OTC: variants seen among roughly 807,000 people sequenced by gnomAD.
OTC encodes the protein ornithine transcarbamylase, mitochondrial.
In OTC, 3 loss-of-function variants were observed where a neutral mutation model predicts 30.3. The observed-to-expected ratio is 0.10, with a 90% CI of 0.05 to 0.26. The LOEUF (loss-of-function observed/expected upper bound fraction) is 0.26. Among genes scored for constraint, OTC ranks in the 10% least tolerant of loss-of-function variants. The pLI, the probability that OTC is intolerant of heterozygous loss-of-function variation, is 1.00. For missense variants in OTC, 194 were observed against 260.3 expected, an observed-to-expected ratio of 0.75 and a Z score of 1.75; for synonymous variants, 111 against 99.7, an observed-to-expected ratio of 1.11 and a Z score of -0.67.
intron 3 of OTC, 71 bp from the exon 4 acceptor site, chrX:38,381,271 A>G (rs761183832): frequency 6.5e-6 from 5 of 774,946 alleles, no homozygotes; most frequent in South Asian, 4.7e-5. Context: ...GATGATGCCA[A>G]TTCTTTGTAA....
intron 1 of OTC, among the ~76,000 whole-genome samples, chrX:38,361,062 G>C (rs1378740008): frequency 8.9e-6 from 1 of 112,179 alleles, no homozygotes; most frequent in East Asian, 2.8e-4. Context: ...AAGTGCCTTT[G>C]GGAGGCTGAG....
chrX:38,338,716 G>A, the OTC span, among the ~76,000 whole-genome samples: 10 of 112,108 alleles, frequency 8.9e-5, no homozygotes, highest in Non-Finnish European at 1.5e-4. Flanking sequence ...TAGAATTTAC[G>A]GAAAGTCTAG....
At chrX:38,355,179 G>A (rs1227976556) in intron 1 of OTC, among the ~76,000 whole-genome samples, 3 of 111,588 alleles carry the variant, frequency 2.7e-5, no homozygotes, top group Non-Finnish European at 3.8e-5. Context: ...TGAGGCTGAA[G>A]CCATCCACAC....
intron 5 of OTC, among the ~76,000 whole-genome samples, chrX:38,402,850 T>C (rs1339026238): frequency 9.0e-6 from 1 of 111,213 alleles, no homozygotes; most frequent in Non-Finnish European, 1.9e-5. Context: ...AGTCTCACTC[T>C]GTCACCCAGA....
intron 9 of OTC, among the ~76,000 whole-genome samples, chrX:38,417,250 A>G (rs142569888): frequency 0.021 from 2,308 of 111,738 alleles, 65 homozygotes; most frequent in African/African-American, 0.069. Context: ...TTGCAGCCTA[A>G]AGGCAATATA....
intron 1 of OTC, among the ~76,000 whole-genome samples, chrX:38,358,025 TTTC>T (rs770152459): frequency 9.0e-6 from 1 of 111,327 alleles, no homozygotes; most frequent in East Asian, 2.8e-4. Context: ...ACCAAGGAGA[TTTC>T]TTGTTTACTC....
At chrX:38,413,704 C>CTGT (rs1248969414) in intron 9 of OTC, among the ~76,000 whole-genome samples, 110 of 107,151 alleles carry the variant, frequency 1.0e-3, no homozygotes, top group Non-Finnish European at 1.1e-3. Context: ...GAGTCTCGCT[C>CTGT]TGTTGCCCAG....
chrX:38,389,356 A>G (rs1407417453), intron 4 of OTC, among the ~76,000 whole-genome samples: 1 of 108,196 alleles, frequency 9.2e-6, no homozygotes, highest in East Asian at 2.9e-4. Flanking sequence ...GATGAGGCCC[A>G]ATCCTCAAGA....
the OTC span, among the ~76,000 whole-genome samples, chrX:38,332,978 G>A: frequency 4.5e-5 from 5 of 111,206 alleles, no homozygotes; most frequent in Admixed American, 1.9e-4. Context: ...AGAACTTTGG[G>A]AGGCTGAGGC....
intron 4 of OTC, among the ~76,000 whole-genome samples, chrX:38,385,062 G>A (rs2068395887): frequency 9.0e-6 from 1 of 111,391 alleles, no homozygotes; most frequent in Non-Finnish European, 1.9e-5. Context: ...TGGGTCACCT[G>A]AGGTCAGGAC....
At chrX:38,399,743 A>G (rs2068475492) in intron 4 of OTC, among the ~76,000 whole-genome samples, 1 of 111,130 alleles carries the variant, frequency 9.0e-6, no homozygotes, top group African/African-American at 3.3e-5. Context: ...CAAGACTCCA[A>G]CTCAAAAAAA....
the OTC span, among the ~76,000 whole-genome samples, chrX:38,344,493 G>C: frequency 9.0e-6 from 1 of 110,846 alleles, no homozygotes; most frequent in East Asian, 2.8e-4. Flanking sequence ...ATATGACCTG[G>C]GACATAGAGG....
chrX:38,334,858 G>C, the OTC span, among the ~76,000 whole-genome samples: 2 of 111,676 alleles, frequency 1.8e-5, no homozygotes, highest in Non-Finnish European at 3.8e-5. Context: ...AGCAGCGGTA[G>C]AGCATTACCG....
At chrX:38,335,652 GACTA>G in the OTC span, among the ~76,000 whole-genome samples, 3 of 112,721 alleles carry the variant, frequency 2.7e-5, no homozygotes, top group Non-Finnish European at 5.6e-5. Context: ...AGAAAGGGAG[GACTA>G]ACTGACTGTC....
chrX:38,376,263 TGTC>T (rs2068347553), intron 3 of OTC, among the ~76,000 whole-genome samples: 1 of 111,792 alleles, frequency 8.9e-6, no homozygotes, highest in South Asian at 3.7e-4. Context: ...AAGGAATACT[TGTC>T]AGGGAAATTA....
intron 9 of OTC, among the ~76,000 whole-genome samples, chrX:38,412,291 C>T (rs1484882430): frequency 8.9e-6 from 1 of 111,907 alleles, no homozygotes; most frequent in African/African-American, 3.2e-5. Flanking sequence ...CATTATAAGT[C>T]ATATAATTCT....
At chrX:38,378,368 G>C (rs1245577944) in intron 3 of OTC, among the ~76,000 whole-genome samples, 1 of 106,158 alleles carries the variant, frequency 9.4e-6, no homozygotes, top group African/African-American at 3.5e-5. Flanking sequence ...GCACTTATCA[G>C]TATCTAACAT....
chrX:38,343,977 G>A, the OTC span, among the ~76,000 whole-genome samples: 1 of 110,836 alleles, frequency 9.0e-6, no homozygotes, highest in African/African-American at 3.3e-5. Context: ...TGGTGATGTA[G>A]CAAGAAAACA....
intron 1 of OTC, among the ~76,000 whole-genome samples, chrX:38,356,002 C>T (rs953510373): frequency 2.0e-5 from 2 of 100,678 alleles, no homozygotes; most frequent in African/African-American, 3.8e-5. Flanking sequence ...GAGCCGAGAT[C>T]GCGCCAATGC....
Sources: gnomAD v4.1 joint callset for allele counts (sites outside exome capture counted in the v4.1 genomes callset) on GRCh38, gnomAD v4.1.1 for gene constraint, MANE v1.5 for transcripts, NCBI Gene and HGNC (gene_info 2026-07-23, HGNC 2026-07-21) for gene names.